Variants in ZFPM2 observed in about 807,000 individuals in gnomAD.
The protein encoded by ZFPM2 is zinc finger protein, FOG family member 2, also known as zinc finger protein ZFPM2.
A neutral mutation model predicts 98.6 loss-of-function variants in ZFPM2; 20 were observed. That is an observed-to-expected ratio of 0.20 (90% CI 0.14 to 0.29). The LOEUF is 0.29. Ranked by LOEUF, ZFPM2 falls within the 10% of genes least tolerant of loss-of-function variation. The pLI, the probability that ZFPM2 is intolerant of heterozygous loss-of-function variation, is 1.00. For missense variants in ZFPM2, 1,310 were observed against 1,388.6 expected (o/e 0.94, Z 0.90); for synonymous variants, 518 against 502.7 (o/e 1.03, Z -0.41).
rs768615753 is a variant in ZFPM2, at chr8:105,444,268, G to T, written c.200-12G>T. 10 of 1,600,494 alleles carry T rather than the reference G, an allele frequency of 6.2e-6. No individual in the cohort carries two copies. Among genetic ancestry groups the T allele is most frequent in the Non-Finnish European group, 8.5e-6 (10 of 1,171,586 alleles). ...CTCATTTTCTTTCTCTCCTTGTGTT[G>T]GTGTTTTCCAGGTGATGATGAAGGA... On this transcript the variant is annotated splice_polypyrimidine_tract_variant and intron_variant, in intron 2 of 7. Transcript: ENST00000407775.
chr8:105,677,443 C>T (rs375642310), intron 5 of ZFPM2, among the ~76,000 whole-genome samples: 84 of 152,246 alleles, frequency 5.5e-4, no homozygotes, highest in Non-Finnish European at 9.7e-4. Flanking sequence ...AAATCCAAAA[C>T]TATTCTGCTT....
chr8:105,800,233 C>T (rs1175257639), intron 7 of ZFPM2, among the ~76,000 whole-genome samples: 3 of 152,100 alleles, frequency 2.0e-5, no homozygotes, highest in African/African-American at 7.2e-5. Flanking sequence ...TATTCTAGTC[C>T]AGAGTACAGA....
intron 2 of ZFPM2, among the ~76,000 whole-genome samples, chr8:105,427,949 A>G (rs1366316081): frequency 6.6e-6 from 1 of 152,200 alleles, no homozygotes; most frequent in East Asian, 1.9e-4. Context: ...TGTATGTATC[A>G]TCTCTAATCA....
At chr8:105,363,891 A>G (rs1459909440) in intron 1 of ZFPM2, among the ~76,000 whole-genome samples, 2 of 152,028 alleles carry the variant, frequency 1.3e-5, no homozygotes, top group African/African-American at 2.4e-5. Flanking sequence ...ATTTTCTAAA[A>G]TTAACTTAAT....
At chr8:105,459,238 G>A (rs1455752699) in intron 3 of ZFPM2, among the ~76,000 whole-genome samples, 1 of 152,102 alleles carries the variant, frequency 6.6e-6, no homozygotes, top group Non-Finnish European at 1.5e-5. Context: ...TTGCTTTTAT[G>A]TTGCCCCAGC....
At chr8:105,609,919 G>T (rs1563741668) in intron 4 of ZFPM2, among the ~76,000 whole-genome samples, 2 of 152,102 alleles carry the variant, frequency 1.3e-5, no homozygotes. Flanking sequence ...GAAATCATGT[G>T]CCCTCTGTTT....
chr8:105,549,839 C>T (rs1814809225), intron 3 of ZFPM2, among the ~76,000 whole-genome samples: 1 of 151,814 alleles, frequency 6.6e-6, no homozygotes, highest in South Asian at 2.1e-4. Context: ...TTCTCAAACT[C>T]CTGGGCTCAC....
chr8:105,736,565 A>G (rs1812077500), intron 5 of ZFPM2, among the ~76,000 whole-genome samples: 2 of 152,062 alleles, frequency 1.3e-5, no homozygotes, highest in South Asian at 4.1e-4. Context: ...AATGCCAAGC[A>G]TATTGATAAC....
intron 5 of ZFPM2, among the ~76,000 whole-genome samples, chr8:105,674,780 G>T (rs1817657932): frequency 1.3e-5 from 2 of 152,132 alleles, no homozygotes; most frequent in African/African-American, 2.4e-5. Context: ...GAATGAGAGA[G>T]ATTAAAGTCA....
At chr8:105,381,043 A>C (rs1255486415) in intron 1 of ZFPM2, among the ~76,000 whole-genome samples, 1 of 143,188 alleles carries the variant, frequency 7.0e-6, no homozygotes, top group Admixed American at 7.8e-5. Flanking sequence ...CATCATCTAC[A>C]TTAGGTATTT....
At chr8:105,700,835 C>G (rs1033169838) in intron 5 of ZFPM2, among the ~76,000 whole-genome samples, 4 of 152,196 alleles carry the variant, frequency 2.6e-5, no homozygotes, top group African/African-American at 7.2e-5. Context: ...ACCTCATGAT[C>G]CAGCCACCGC....
chr8:105,648,186 G>C (rs902688036), intron 5 of ZFPM2, among the ~76,000 whole-genome samples: 4 of 152,190 alleles, frequency 2.6e-5, no homozygotes, highest in African/African-American at 7.2e-5. Flanking sequence ...CTTTTGAGAA[G>C]TGTCTGTTCA....
intron 3 of ZFPM2, among the ~76,000 whole-genome samples, chr8:105,513,958 T>C (rs1813865634): frequency 6.6e-6 from 1 of 151,842 alleles, no homozygotes; most frequent in Admixed American, 6.6e-5. Context: ...ACGTGGATTT[T>C]TGGATTATAC....
intron 3 of ZFPM2, among the ~76,000 whole-genome samples, chr8:105,540,069 C>T (rs1814543498): frequency 6.6e-6 from 1 of 152,008 alleles, no homozygotes; most frequent in Admixed American, 6.6e-5. Context: ...CTTTCTTACT[C>T]TTGCTTTCTC....
At chr8:105,504,866 T>A (rs988323431) in intron 3 of ZFPM2, among the ~76,000 whole-genome samples, 2 of 152,154 alleles carry the variant, frequency 1.3e-5, no homozygotes, top group African/African-American at 4.8e-5. Flanking sequence ...TAATTGTATT[T>A]CCCATAAATT....
Position 105,803,682 on chromosome 8 carries a change from T to G in ZFPM2, c.*144T>G. 5.3e-6 allele frequency: 4 copies of G among 761,332 alleles called. No homozygotes were observed. The highest frequency in any genetic ancestry group is 8.4e-6 in the Non-Finnish European group (4 of 475,632). The allele number at this position is 761,332 out of a possible 1,614,324, so 47.2% of individuals were successfully genotyped here. ...CTGAGTTGAAGACTTAAGGTGTAAT[T>G]TCATTACAGTCCATTAGTAAAGTGT... is the stretch of plus-strand genomic sequence containing the variant. On this transcript the variant is annotated 3_prime_UTR_variant, in exon 8 of 8. Coordinates refer to ENST00000407775, the MANE Select transcript of ZFPM2 (RefSeq NM_012082.4).
intron 1 of ZFPM2, among the ~76,000 whole-genome samples, chr8:105,405,166 G>T (rs1811415486): frequency 6.6e-6 from 1 of 152,092 alleles, no homozygotes; most frequent in Admixed American, 6.6e-5. Flanking sequence ...AGAACCCCAG[G>T]TAGGACAAGG....
At chr8:105,541,444 C>A (rs949299314) in intron 3 of ZFPM2, among the ~76,000 whole-genome samples, 1 of 152,078 alleles carries the variant, frequency 6.6e-6, no homozygotes, top group Non-Finnish European at 1.5e-5. Context: ...AGTGAAATAT[C>A]ATGAATATCC....
At chr8:105,378,622 T>G (rs1409417187) in intron 1 of ZFPM2, among the ~76,000 whole-genome samples, 1 of 152,144 alleles carries the variant, frequency 6.6e-6, no homozygotes, top group African/African-American at 2.4e-5. Context: ...CAAGGCTAGA[T>G]TATGTGAGTA....
Sources: allele counts gnomAD v4.1 joint callset (sites outside exome capture counted in the v4.1 genomes callset), GRCh38; gene constraint gnomAD v4.1.1; transcripts MANE v1.5; gene names NCBI Gene and HGNC (gene_info 2026-07-23, HGNC 2026-07-21).